Variants in MYO16 observed in about 807,000 individuals in gnomAD.
MYO16 encodes the protein unconventional myosin-XVI.
Under a neutral mutation model 205.3 loss-of-function variants are expected in MYO16, and 94 were observed. The ratio of observed to expected loss-of-function variants is 0.46; its 90% CI spans 0.39 to 0.54. The LOEUF (loss-of-function observed/expected upper bound fraction) is 0.54. Ranked by LOEUF, MYO16 falls within the 20% of genes least tolerant of loss-of-function variation. The probability of loss-of-function intolerance (pLI) is 0.00; values close to 1 mark genes in which losing one functional copy is unlikely to be tolerated. For missense variants in MYO16, 2,315 were observed against 2,387.5 expected, an observed-to-expected ratio of 0.97 and a Z score of 0.63; for synonymous variants, 988 against 954.0, an observed-to-expected ratio of 1.04 and a Z score of -0.66.
At chr13:108,643,344 A>T (rs1880595035) in intron 1 of MYO16, among the ~76,000 whole-genome samples, 1 of 152,128 alleles carries the variant, frequency 6.6e-6, no homozygotes, top group Non-Finnish European at 1.5e-5. Context: ...TCTTCCTTTT[A>T]ATTACTGAGT....
At chr13:108,912,394 A>G (rs1485532324) in intron 16 of MYO16, among the ~76,000 whole-genome samples, 2 of 152,216 alleles carry the variant, frequency 1.3e-5, no homozygotes, top group East Asian at 3.8e-4. Flanking sequence ...TTCTGTTCCC[A>G]AAATACAATA....
chr13:108,861,060 A>G (rs189380258), intron 11 of MYO16, among the ~76,000 whole-genome samples: 202 of 152,218 alleles, frequency 1.3e-3, no homozygotes, highest in African/African-American at 4.5e-3. Flanking sequence ...ATTTTTTCCC[A>G]TAAATGTTGT....
intron 1 of MYO16, among the ~76,000 whole-genome samples, chr13:108,618,014 T>C (rs2139329867): frequency 6.6e-6 from 1 of 152,258 alleles, no homozygotes; most frequent in East Asian, 1.9e-4. Flanking sequence ...CTGCCAGTCT[T>C]CAAGCTATTG....
At chr13:108,915,676 A>C (rs1881467595) in intron 16 of MYO16, among the ~76,000 whole-genome samples, 1 of 152,222 alleles carries the variant, frequency 6.6e-6, no homozygotes, top group Non-Finnish European at 1.5e-5. Context: ...AGATGGGTTT[A>C]GTCCCAGAAA....
intron 34 of MYO16, among the ~76,000 whole-genome samples, chr13:109,199,189 AAGGTATATATATATATAT>A (rs1566560056): frequency 9.5e-6 from 1 of 105,036 alleles, no homozygotes; most frequent in African/African-American, 3.6e-5. Context: ...TTTAATAAAA[AAGGTATATATATATATAT>A]ATATATATAT....
chr13:108,618,469 G>A (rs555453114), intron 1 of MYO16, among the ~76,000 whole-genome samples: 4 of 152,300 alleles, frequency 2.6e-5, no homozygotes, highest in Admixed American at 6.5e-5. Context: ...AGCCTGTAGA[G>A]ACAGACAGGA....
chr13:108,505,916 A>G, the MYO16 span, among the ~76,000 whole-genome samples: 1 of 152,158 alleles, frequency 6.6e-6, no homozygotes, highest in Non-Finnish European at 1.5e-5. Flanking sequence ...TGTTGAAGAT[A>G]CTATTCTTTC....
At chr13:109,115,390 C>G (rs574960875) in intron 28 of MYO16, among the ~76,000 whole-genome samples, 20 of 151,850 alleles carry the variant, frequency 1.3e-4, no homozygotes, top group African/African-American at 4.1e-4. Flanking sequence ...ATAAAAATAG[C>G]GATGACTGTA....
intron 2 of MYO16, among the ~76,000 whole-genome samples, chr13:108,701,333 G>A (rs1883299016): frequency 6.6e-6 from 1 of 152,116 alleles, no homozygotes; most frequent in Admixed American, 6.5e-5. Context: ...ATAGTAATAA[G>A]AGGTGATTAG....
chr13:108,537,416 G>A, the MYO16 span, among the ~76,000 whole-genome samples: 405 of 152,196 alleles, frequency 2.7e-3, 3 homozygotes, highest in African/African-American at 9.0e-3. Flanking sequence ...GGACACTTAG[G>A]TTGATTCCAT....
chr13:109,139,176 A>G (rs1199928049), intron 31 of MYO16, among the ~76,000 whole-genome samples: 5 of 152,120 alleles, frequency 3.3e-5, no homozygotes, highest in Non-Finnish European at 5.9e-5. Flanking sequence ...GATGGTCTCT[A>G]TCTTTTGACC....
chr13:108,793,789 G>A, intron 6 of MYO16, 149 bp downstream of exon 6: 3 of 906,896 alleles, frequency 3.3e-6, no homozygotes, highest in African/African-American at 1.7e-5. Context: ...AAACACCTAA[G>A]TAAGCAAAGA....
intron 1 of MYO16, among the ~76,000 whole-genome samples, chr13:108,664,713 A>C (rs1881648366): frequency 6.6e-6 from 1 of 152,334 alleles, no homozygotes; most frequent in Admixed American, 6.5e-5. Context: ...CTGTGTTTGC[A>C]AGCCAGCTTC....
At chr13:108,937,405 C>T (rs1027516716) in intron 16 of MYO16, among the ~76,000 whole-genome samples, 1 of 152,062 alleles carries the variant, frequency 6.6e-6, no homozygotes, top group African/African-American at 2.4e-5. Context: ...ATCTGGATGT[C>T]CACCTCTCTA....
At chr13:109,043,388 G>C (rs946765555) in intron 23 of MYO16, among the ~76,000 whole-genome samples, 2 of 152,192 alleles carry the variant, frequency 1.3e-5, no homozygotes, top group Non-Finnish European at 2.9e-5. Context: ...TGATGGTCCA[G>C]TTGTGCGTGT....
chr13:108,499,487 C>A, the MYO16 span, among the ~76,000 whole-genome samples: 1 of 152,192 alleles, frequency 6.6e-6, no homozygotes, highest in African/African-American at 2.4e-5. Flanking sequence ...AGTGGATGGT[C>A]TTTCAAAAAT....
At chr13:108,724,546 T>A (rs1174607843) in intron 3 of MYO16, among the ~76,000 whole-genome samples, 1 of 152,130 alleles carries the variant, frequency 6.6e-6, no homozygotes, top group Admixed American at 6.5e-5. Context: ...TCCTTTTTTT[T>A]AGTACTTGTG....
At chr13:108,963,278 A>G (rs188531570) in intron 19 of MYO16, among the ~76,000 whole-genome samples, 28 of 152,240 alleles carry the variant, frequency 1.8e-4, no homozygotes, top group African/African-American at 6.7e-4. Context: ...GCCTATGTGC[A>G]TGTATTTAGG....
intron 1 of MYO16, among the ~76,000 whole-genome samples, chr13:108,604,174 C>A (rs1010893186): frequency 2.0e-4 from 31 of 152,098 alleles, no homozygotes; most frequent in Non-Finnish European, 3.7e-4. Flanking sequence ...AATCACCCCC[C>A]ATGAGGTCCC....
Sources: gnomAD v4.1 joint callset for allele counts (sites outside exome capture counted in the v4.1 genomes callset) on GRCh38, gnomAD v4.1.1 for gene constraint, MANE v1.5 for transcripts, NCBI Gene and HGNC (gene_info 2026-07-23, HGNC 2026-07-21) for gene names.